NELL2: variants seen among roughly 807,000 people sequenced by gnomAD.
NELL2 encodes the protein neural EGFL like 2.
A neutral mutation model predicts 109.6 loss-of-function variants in NELL2; 41 were observed. The ratio of observed to expected loss-of-function variants is 0.37; its 90% CI spans 0.29 to 0.49. The LOEUF (loss-of-function observed/expected upper bound fraction) is 0.49. Ranked by LOEUF, NELL2 falls within the 20% of genes least tolerant of loss-of-function variation. The pLI is 0.98. For synonymous variants in NELL2, 355 were observed against 344.7 expected (o/e 1.03, Z -0.33); for missense variants, 900 against 1,008.3 (o/e 0.89, Z 1.45).
At chr12:44,788,960 A>T (rs1942282226) in intron 3 of NELL2, among the ~76,000 whole-genome samples, 1 of 151,916 alleles carries the variant, frequency 6.6e-6, no homozygotes, top group Admixed American at 6.6e-5. Context: ...TCACAACTCC[A>T]TTGACGTGGG....
chr12:44,642,206 C>G (rs937514680), intron 13 of NELL2, among the ~76,000 whole-genome samples: 1 of 152,098 alleles, frequency 6.6e-6, no homozygotes, highest in Non-Finnish European at 1.5e-5. Context: ...GGCAAGGGTT[C>G]ACAGATGATT....
At chr12:44,643,415 A>T (rs1946932930) in intron 13 of NELL2, among the ~76,000 whole-genome samples, 1 of 152,198 alleles carries the variant, frequency 6.6e-6, no homozygotes, top group African/African-American at 2.4e-5. Context: ...AATGTAATTT[A>T]CAAAGGTACG....
intron 12 of NELL2, among the ~76,000 whole-genome samples, chr12:44,698,104 T>C (rs548827865): frequency 1.3e-5 from 2 of 152,312 alleles, no homozygotes; most frequent in South Asian, 2.1e-4. Flanking sequence ...TTTCTCCTTT[T>C]TATAATGAAA....
intron 13 of NELL2, among the ~76,000 whole-genome samples, chr12:44,658,876 CCAA>C (rs1456166166): frequency 1.0e-5 from 1 of 97,614 alleles, no homozygotes; most frequent in Non-Finnish European, 2.0e-5. Flanking sequence ...GACTCTGTCT[CCAA>C]AAAAAAAAAA....
chr12:44,740,052 C>T (rs750373584), intron 9 of NELL2, among the ~76,000 whole-genome samples: 8 of 152,124 alleles, frequency 5.3e-5, no homozygotes, highest in Non-Finnish European at 8.8e-5. Flanking sequence ...CTTATTGTCT[C>T]GCCCTTTACA....
chr12:44,827,529 A>G (rs1383967084), intron 2 of NELL2, among the ~76,000 whole-genome samples: 1 of 150,732 alleles, frequency 6.6e-6, no homozygotes, highest in African/African-American at 2.4e-5. Context: ...CCATGAGTTC[A>G]ATTATTTTAA....
chr12:44,898,796 TAAC>T lies in NELL2; in HGVS notation c.38+15000_38+15002del, dbSNP rs534896319. 3.3e-4 allele frequency among the ~76,000 whole-genome samples: 50 copies of T among 152,130 alleles called. No individual in the cohort carries two copies. The South Asian group carries it at 4.4e-3, about 13-fold the overall frequency. ...GAAGTAGGCTTCAGAAGGTGGGTAA[TAAC>T]AAACTACTCCGAGCTAAAGGAATAT... On this transcript the variant is annotated intron_variant, in intron 1 of 20. Transcript: ENST00000333837.
At chr12:44,565,489 T>G (rs1419571936) in intron 15 of NELL2, among the ~76,000 whole-genome samples, 2 of 152,076 alleles carry the variant, frequency 1.3e-5, no homozygotes, top group Non-Finnish European at 2.9e-5. Flanking sequence ...ATTATCAAAA[T>G]AAAAATAAAG....
chr12:44,840,480 A>C (rs567042722), intron 2 of NELL2, among the ~76,000 whole-genome samples: 176 of 152,270 alleles, frequency 1.2e-3, no homozygotes, highest in African/African-American at 4.1e-3. Context: ...AAAAAAAATT[A>C]CAAAAAATTA....
intron 9 of NELL2, among the ~76,000 whole-genome samples, chr12:44,755,854 T>C (rs138870487): frequency 2.0e-4 from 30 of 152,346 alleles, no homozygotes; most frequent in African/African-American, 6.7e-4. Context: ...ATCAAAATCC[T>C]AACGATGGAT....
chr12:44,625,730 G>A (rs936410372), intron 13 of NELL2, among the ~76,000 whole-genome samples: 2 of 151,962 alleles, frequency 1.3e-5, no homozygotes, highest in Admixed American at 6.6e-5. Context: ...TTAAACTCCT[G>A]GACTCTCCTC....
chr12:44,754,200 A>G (rs1441526157), intron 9 of NELL2, among the ~76,000 whole-genome samples: 1 of 152,226 alleles, frequency 6.6e-6, no homozygotes, highest in Non-Finnish European at 1.5e-5. Flanking sequence ...ACAATTTTAA[A>G]GTATGATATT....
intron 2 of NELL2, among the ~76,000 whole-genome samples, chr12:44,861,603 G>A (rs986005914): frequency 2.0e-5 from 3 of 152,048 alleles, no homozygotes; most frequent in African/African-American, 4.8e-5. Flanking sequence ...CAGGCTTCAG[G>A]CCTACCCTAA....
intron 3 of NELL2, among the ~76,000 whole-genome samples, chr12:44,787,655 T>G (rs905581813): frequency 6.6e-6 from 1 of 151,994 alleles, no homozygotes; most frequent in Non-Finnish European, 1.5e-5. Flanking sequence ...CACACAAATA[T>G]GACCAACTGA....
intron 11 of NELL2, among the ~76,000 whole-genome samples, chr12:44,710,313 T>A (rs1938126076): frequency 1.3e-5 from 2 of 152,166 alleles, no homozygotes; most frequent in African/African-American, 4.8e-5. Flanking sequence ...AGGTCATTAT[T>A]CAAACAAGTA....
At chr12:44,843,144 T>C (rs1024816298) in intron 2 of NELL2, among the ~76,000 whole-genome samples, 7 of 151,718 alleles carry the variant, frequency 4.6e-5, no homozygotes, top group African/African-American at 7.3e-5. Flanking sequence ...AATATTTTAT[T>C]TGGGGAAGGG....
At chr12:44,786,262 A>C (rs913381087) in intron 3 of NELL2, among the ~76,000 whole-genome samples, 1 of 152,232 alleles carries the variant, frequency 6.6e-6, no homozygotes, top group African/African-American at 2.4e-5. Flanking sequence ...TGCAGCCAAC[A>C]AACACATGAA....
chr12:44,581,505 T>C (rs1944320486), intron 15 of NELL2, among the ~76,000 whole-genome samples: 2 of 152,158 alleles, frequency 1.3e-5, no homozygotes, highest in Admixed American at 6.6e-5. Flanking sequence ...GAAGTAGAAA[T>C]TCCTTCACAG....
chr12:44,820,447 A>G (rs1943501928), intron 2 of NELL2, among the ~76,000 whole-genome samples: 1 of 152,056 alleles, frequency 6.6e-6, no homozygotes, highest in Non-Finnish European at 1.5e-5. Context: ...TCTCTACTAA[A>G]AGTACAAAAA....
Sources: allele counts gnomAD v4.1 joint callset (sites outside exome capture counted in the v4.1 genomes callset), GRCh38; gene constraint gnomAD v4.1.1; transcripts MANE v1.5; gene names NCBI Gene and HGNC (gene_info 2026-07-23, HGNC 2026-07-21).